MYO16: variants seen among roughly 807,000 people sequenced by gnomAD.
MYO16 encodes the protein myosin XVI, also known as unconventional myosin-XVI.
A neutral mutation model predicts 205.3 loss-of-function variants in MYO16; 94 were observed. The observed-to-expected ratio is 0.46, with a 90% CI of 0.39 to 0.54. The LOEUF (loss-of-function observed/expected upper bound fraction) is 0.54. Ranked by LOEUF, MYO16 falls within the 20% of genes least tolerant of loss-of-function variation. The pLI is 0.00. For synonymous variants in MYO16, 988 were observed against 954.0 expected (o/e 1.04, Z -0.66); for missense variants, 2,315 against 2,387.5 (o/e 0.97, Z 0.63).
chr13:108,728,811 T>C (rs189492515), intron 4 of MYO16, among the ~76,000 whole-genome samples: 1 of 152,198 alleles, frequency 6.6e-6, no homozygotes, highest in Non-Finnish European at 1.5e-5. Context: ...GGAGCATAGC[T>C]TTTTTCTGGA....
At chr13:109,156,230 T>A (rs1176440623) in intron 32 of MYO16, among the ~76,000 whole-genome samples, 1 of 152,204 alleles carries the variant, frequency 6.6e-6, no homozygotes, top group East Asian at 1.9e-4. Flanking sequence ...GCACCATCTA[T>A]GTGTATCTGC....
chr13:109,038,759 T>G (rs1203382286), intron 23 of MYO16, among the ~76,000 whole-genome samples: 2 of 152,324 alleles, frequency 1.3e-5, no homozygotes, highest in African/African-American at 4.8e-5. Context: ...TTATATTTTT[T>G]AAATCAAAAT....
At chr13:108,695,884 C>A (rs59249607) in intron 2 of MYO16, among the ~76,000 whole-genome samples, 236 of 152,214 alleles carry the variant, frequency 1.6e-3, no homozygotes, top group African/African-American at 5.5e-3. Flanking sequence ...CAGTTGAAAA[C>A]TAATGTGATT....
chr13:108,888,362 T>C lies in MYO16; in HGVS notation c.1554-10T>C. On this transcript the variant is annotated splice_polypyrimidine_tract_variant and intron_variant, in intron 13 of 34. Transcript: ENST00000457511. ...TTCAAACTTATGTTTTTCCTCTCTG[T>C]TTTCCTTAGTGGAGAAAGGGGATCA... 1 of 1,566,770 alleles carries C rather than the reference T, an allele frequency of 6.4e-7. No individual in the cohort carries two copies. Among genetic ancestry groups the C allele is most frequent in the Non-Finnish European group, 8.6e-7 (1 of 1,156,404 alleles).
chr13:108,714,653 A>G (rs1240192562), intron 3 of MYO16, among the ~76,000 whole-genome samples: 1 of 151,774 alleles, frequency 6.6e-6, no homozygotes, highest in Non-Finnish European at 1.5e-5. Flanking sequence ...GTTAATTTTT[A>G]TATTTTTCAA....
At chr13:108,832,298 G>A (rs1176482716) in intron 9 of MYO16, among the ~76,000 whole-genome samples, 10 of 151,446 alleles carry the variant, frequency 6.6e-5, no homozygotes, top group Admixed American at 6.6e-5. Flanking sequence ...GTGCACCACC[G>A]TGCCCAGCTA....
chr13:108,600,048 T>C (rs909068093), intron 1 of MYO16, among the ~76,000 whole-genome samples: 3 of 152,136 alleles, frequency 2.0e-5, no homozygotes, highest in African/African-American at 7.2e-5. Flanking sequence ...CAAACAAAAT[T>C]ATTCAGCTGA....
chr13:108,805,443 G>GT (rs2138978666), intron 6 of MYO16, among the ~76,000 whole-genome samples: 1 of 152,222 alleles, frequency 6.6e-6, no homozygotes, highest in Non-Finnish European at 1.5e-5. Context: ...CATTGAATAA[G>GT]CCTTTTTGAC....
At chr13:108,670,086 A>G (rs1881920628) in intron 2 of MYO16, among the ~76,000 whole-genome samples, 1 of 152,214 alleles carries the variant, frequency 6.6e-6, no homozygotes, top group Admixed American at 6.5e-5. Flanking sequence ...AACTTGAAGT[A>G]AAATTAAAAA....
intron 1 of MYO16, among the ~76,000 whole-genome samples, chr13:108,612,811 C>T (rs1258467206): frequency 2.0e-5 from 3 of 152,060 alleles, no homozygotes; most frequent in African/African-American, 7.2e-5. Flanking sequence ...ATTCTTGCTA[C>T]CCTGTTAATA....
intron 33 of MYO16, among the ~76,000 whole-genome samples, chr13:109,171,451 C>A (rs1375454790): frequency 6.6e-6 from 1 of 152,182 alleles, no homozygotes; most frequent in Non-Finnish European, 1.5e-5. Context: ...CTTTTGAATG[C>A]CAGTATCTGC....
intron 32 of MYO16, among the ~76,000 whole-genome samples, chr13:109,153,487 G>A (rs1439558289): frequency 6.6e-6 from 1 of 152,048 alleles, no homozygotes. Flanking sequence ...GATTAATCTG[G>A]CTGGGCGAGG....
At chr13:108,711,142 C>T (rs1350955337) in intron 2 of MYO16, among the ~76,000 whole-genome samples, 1 of 152,128 alleles carries the variant, frequency 6.6e-6, no homozygotes, top group Non-Finnish European at 1.5e-5. Context: ...CAGGACGGTT[C>T]TTAGAAATAC....
intron 12 of MYO16, among the ~76,000 whole-genome samples, chr13:108,869,800 T>C (rs1252577888): frequency 6.7e-6 from 1 of 148,686 alleles, no homozygotes; most frequent in African/African-American, 2.5e-5. Context: ...ACTAGCAAGT[T>C]TGTAAAATTT....
At chr13:108,811,723 A>G (rs544914592) in intron 7 of MYO16, among the ~76,000 whole-genome samples, 1 of 152,092 alleles carries the variant, frequency 6.6e-6, no homozygotes, top group Non-Finnish European at 1.5e-5. Flanking sequence ...GAGATACTTA[A>G]GCTATAATCA....
At chr13:108,798,862 C>T (rs951661622) in intron 6 of MYO16, among the ~76,000 whole-genome samples, 5 of 143,428 alleles carry the variant, frequency 3.5e-5, no homozygotes, top group African/African-American at 1.3e-4. Flanking sequence ...CCCGCCACCG[C>T]GCCCGGCTAA....
intron 6 of MYO16, among the ~76,000 whole-genome samples, chr13:108,804,315 T>C (rs758730628): frequency 2.6e-5 from 4 of 152,226 alleles, no homozygotes; most frequent in African/African-American, 4.8e-5. Context: ...TTTGCTAATA[T>C]GCTGCTGCTA....
chr13:109,101,550 A>G (rs1247701018), intron 28 of MYO16: 1 of 152,276 alleles, frequency 6.6e-6, no homozygotes, highest in Non-Finnish European at 1.5e-5. Context: ...TACCAGAAAC[A>G]GGAGAAGATG....
chr13:109,177,621 G>A (rs1879264332), intron 33 of MYO16, among the ~76,000 whole-genome samples: 1 of 152,048 alleles, frequency 6.6e-6, no homozygotes, highest in African/African-American at 2.4e-5. Flanking sequence ...AGGTTCAAGC[G>A]ATTCTCCTGC....
Sources: allele counts gnomAD v4.1 joint callset (sites outside exome capture counted in the v4.1 genomes callset), GRCh38; gene constraint gnomAD v4.1.1; transcripts MANE v1.5; gene names NCBI Gene and HGNC (gene_info 2026-07-23, HGNC 2026-07-21).